Variants in ANK3 observed in about 807,000 individuals in gnomAD.
ANK3 encodes ankyrin-3.
A neutral mutation model predicts 370.9 loss-of-function variants in ANK3; 57 were observed. The ratio of observed to expected loss-of-function variants is 0.15; its 90% confidence interval spans 0.12 to 0.19. The LOEUF (loss-of-function observed/expected upper bound fraction) is 0.19, where lower values mean the gene tolerates loss of function less well. ANK3 is among the 10% of genes least tolerant of loss of function. The pLI is 1.00. For missense variants in ANK3, 4,439 were observed against 5,302.1 expected (o/e 0.84, Z 5.06); for synonymous variants, 1,929 against 1,946.3 (o/e 0.99, Z 0.23).
intron 2 of ANK3, among the ~76,000 whole-genome samples, chr10:60,524,638 C>T (rs558381265): frequency 6.6e-6 from 1 of 152,220 alleles, no homozygotes; most frequent in African/African-American, 2.4e-5. Context: ...TCCATTAAAC[C>T]TCTTTCTTTT....
intron 2 of ANK3, among the ~76,000 whole-genome samples, chr10:60,560,646 T>G (rs2133248037): frequency 6.6e-6 from 1 of 152,342 alleles, no homozygotes; most frequent in Middle Eastern, 3.4e-3. Flanking sequence ...CCTGAACTTC[T>G]CTATTTGTCC....
intron 25 of ANK3, among the ~76,000 whole-genome samples, chr10:60,125,142 T>C (rs1476955128): frequency 6.6e-6 from 1 of 152,196 alleles, no homozygotes; most frequent in African/African-American, 2.4e-5. Flanking sequence ...CCTACTATAA[T>C]AGAAAAAGCA....
intron 1 of ANK3, among the ~76,000 whole-genome samples, chr10:60,696,951 G>A (rs1241232309): frequency 7.0e-6 from 1 of 142,144 alleles, no homozygotes; most frequent in African/African-American, 2.7e-5. Flanking sequence ...TAGGAAAAGA[G>A]GAAGTCAAAT....
intron 24 of ANK3, chr10:60,137,228 A>AAGCACATCGC (rs1565242909): frequency 5.5e-6 from 1 of 182,434 alleles, no homozygotes; most frequent in Admixed American, 5.9e-5. Context: ...GAAAAAAAGA[A>AAGCACATCGC]AGCACATCGC....
At chr10:60,243,095 C>T (rs2097495941) in intron 7 of ANK3, among the ~76,000 whole-genome samples, 1 of 152,104 alleles carries the variant, frequency 6.6e-6, no homozygotes, top group Non-Finnish European at 1.5e-5. Flanking sequence ...CAGGACAGGA[C>T]AGTGGTTAAG....
At chr10:60,618,126 T>C (rs2078288589) in intron 1 of ANK3, among the ~76,000 whole-genome samples, 1 of 152,148 alleles carries the variant, frequency 6.6e-6, no homozygotes, top group Non-Finnish European at 1.5e-5. Context: ...CCCAAAGTCA[T>C]GCAGCCAGTA....
intron 2 of ANK3, among the ~76,000 whole-genome samples, chr10:60,613,352 CTTTA>C (rs1302163830): frequency 6.6e-6 from 1 of 152,054 alleles, no homozygotes; most frequent in East Asian, 1.9e-4. Flanking sequence ...TTATGAAGAC[CTTTA>C]TTTAACTATC....
intron 1 of ANK3, among the ~76,000 whole-genome samples, chr10:60,695,601 T>A (rs1156690164): frequency 1.3e-5 from 2 of 152,176 alleles, no homozygotes; most frequent in Non-Finnish European, 2.9e-5. Context: ...AGAATCTCAC[T>A]CAAAACTGCT....
chr10:60,502,817 A>G (rs2075837357), intron 2 of ANK3, among the ~76,000 whole-genome samples: 1 of 71,056 alleles, frequency 1.4e-5, no homozygotes, highest in Admixed American at 1.4e-4. Flanking sequence ...AAAAGAGAAG[A>G]AAAGAAAAGA....
chr10:60,055,694 G>A lies in ANK3; in HGVS notation c.13029C>T (p.Leu4343=), dbSNP rs770130082. Residue 4343 remains leucine (L), a synonymous_variant, in exon 42 of 44, where the codon CTC becomes CTT. Transcript: ENST00000280772. ...SPADGKPRLS[L]HEEEGSSGSE... is the part of the protein sequence containing the mutation. ...ACCCACTGGACCCCTCTTCTTCATG[G>A]AGGCTAAGCCTTGGCTTGCCATCTG... is the stretch of plus-strand genomic sequence containing the variant. The A allele has an allele frequency of 9.9e-6, 16 of 1,613,026 alleles. No homozygotes were observed. The highest frequency in any genetic ancestry group is 4.4e-5 in the South Asian group (4 of 90,990).
chr10:60,594,055 T>C (rs1595333006), intron 2 of ANK3, among the ~76,000 whole-genome samples: 1 of 152,210 alleles, frequency 6.6e-6, no homozygotes, highest in African/African-American at 2.4e-5. Context: ...CCGATATTCA[T>C]AGAAGAGATT....
intron 2 of ANK3, among the ~76,000 whole-genome samples, chr10:60,517,552 G>A (rs1031669491): frequency 5.9e-5 from 9 of 151,992 alleles, no homozygotes; most frequent in Admixed American, 1.3e-4. Context: ...AACAGCTAAC[G>A]AAATAAAAAG....
chr10:60,294,591 C>A (rs924558821), intron 1 of ANK3, among the ~76,000 whole-genome samples: 5 of 152,114 alleles, frequency 3.3e-5, no homozygotes, highest in Admixed American at 6.5e-5. Context: ...TAAAATGTTT[C>A]ATTTTTACTT....
rs2096580350 is a variant in ANK3, at chr10:60,195,996, G to A, written c.1887+149C>T. 7.9e-6 allele frequency: 5 copies of A among 629,742 alleles called. No individual in the cohort carries two copies. The South Asian group carries it at 9.9e-5, about 12-fold the overall frequency. 39.0% of individuals were successfully genotyped at this position (629,742 alleles called of 1,614,324 possible). A position where few individuals can be genotyped will look rare whatever the true frequency, so the allele number is the denominator to read the frequency against. ...ATATTAGCAGACTAAATCACTGAAG[G>A]CACAGATGTCCTAAGGTGCTTCTAT... is the stretch of plus-strand genomic sequence containing the variant. On this transcript the variant is annotated intron_variant, in intron 16 of 43. Coordinates refer to ENST00000280772, the MANE Select transcript of ANK3 (RefSeq NM_020987.5).
At chr10:60,499,556 T>C (rs1162826488) in intron 2 of ANK3, among the ~76,000 whole-genome samples, 2 of 152,172 alleles carry the variant, frequency 1.3e-5, no homozygotes, top group African/African-American at 4.8e-5. Context: ...CAGATTAAAA[T>C]GTGAGAGATA....
chr10:60,101,139 T>C (rs573186200), intron 28 of ANK3, among the ~76,000 whole-genome samples: 1 of 152,328 alleles, frequency 6.6e-6, no homozygotes, highest in South Asian at 2.1e-4. Context: ...TAATGAGATA[T>C]GTATTTGGAG....
In ANK3 at chr10:60,389,854, C is replaced by T; in HGVS notation, c.-316G>A. On this transcript the variant is annotated 5_prime_UTR_variant, in exon 1 of 44. Transcript: ENST00000280772. Reference sequence around the variant, plus strand: ...AGCTGTATTATGGCTGTATCCCCTGCCACCAGCTGGAAGTGTCTAAGTGAT... The same window carrying T: ...AGCTGTATTATGGCTGTATCCCCTGTCACCAGCTGGAAGTGTCTAAGTGAT... 3 of 1,077,848 alleles carry T rather than the reference C, an allele frequency of 2.8e-6. No homozygotes were observed. Among genetic ancestry groups the T allele is most frequent in the Non-Finnish European group, 3.4e-6 (3 of 889,886 alleles). The allele number at this position is 1,077,848 out of a possible 1,614,324, so 66.8% of individuals were successfully genotyped here. A position where few individuals can be genotyped will look rare whatever the true frequency, so the allele number is the denominator to read the frequency against.
At position 60,495,041 on chromosome 10, in the gene ANK3, AT is replaced by A. The variant is rs576699701; in HGVS notation, c.96+120144del. On this transcript the variant is annotated intron_variant, in intron 2 of 43. Coordinates refer to the ANK3 transcript ENST00000373827. ...TTAATAGCAGAAGGCAAGCCAGAAC[AT>A]GTCATCGCTCATCACTCATTCTTTT... 3.5e-4 allele frequency among the ~76,000 whole-genome samples: 54 copies of A among 152,310 alleles called. No individual in the cohort carries two copies. The South Asian group carries it at 0.011, about 31-fold the overall frequency.
chr10:60,050,377 C>T (rs1031833884), intron 42 of ANK3, among the ~76,000 whole-genome samples: 1 of 152,142 alleles, frequency 6.6e-6, no homozygotes, highest in Non-Finnish European at 1.5e-5. Context: ...CTTAGAAAAA[C>T]TGTATTAGGG....
Sources: allele counts gnomAD v4.1 joint callset (sites outside exome capture counted in the v4.1 genomes callset), GRCh38; gene constraint gnomAD v4.1.1; transcripts MANE v1.5; gene names NCBI Gene and HGNC (gene_info 2026-07-23, HGNC 2026-07-21).